The following TCF4 variants were observed in gnomAD, a reference collection of about 807,000 sequenced individuals.
TCF4 encodes SL3-3 enhancer factor 2.
In TCF4, 3 loss-of-function variants were observed where a neutral mutation model predicts 82.1. That is an observed-to-expected ratio of 0.04 (90% CI 0.02 to 0.09). The LOEUF (loss-of-function observed/expected upper bound fraction) is 0.09, where lower values mean the gene tolerates loss of function less well. Among genes scored for constraint, TCF4 ranks in the 10% least tolerant of loss-of-function variants. TCF4 has a pLI of 1.00. For synonymous variants in TCF4, 276 were observed against 309.6 expected (o/e 0.89, Z 1.14); for missense variants, 518 against 852.7 (o/e 0.61, Z 4.89).
At chr18:55,526,503 T>C (rs1458581761) in intron 3 of TCF4, among the ~76,000 whole-genome samples, 2 of 152,164 alleles carry the variant, frequency 1.3e-5, no homozygotes, top group Admixed American at 1.3e-4. Flanking sequence ...GTTACTCCAG[T>C]AAAGGTTACT....
chr18:55,446,768 A>AGT (rs1379501501), intron 5 of TCF4, among the ~76,000 whole-genome samples: 1 of 152,048 alleles, frequency 6.6e-6, no homozygotes, highest in Non-Finnish European at 1.5e-5. Flanking sequence ...GCGGATCACT[A>AGT]GGTCAGGAGA....
intron 3 of TCF4, among the ~76,000 whole-genome samples, chr18:55,501,994 C>A (rs1281334674): frequency 6.6e-6 from 1 of 152,058 alleles, no homozygotes; most frequent in African/African-American, 2.4e-5. Context: ...CAGGCTGTAA[C>A]AATGGAAGGA....
chr18:55,494,157 G>GACACACACAC (rs3138626), intron 3 of TCF4, among the ~76,000 whole-genome samples: 231 of 147,736 alleles, frequency 1.6e-3, no homozygotes, highest in African/African-American at 5.1e-3. Context: ...AAATATTATG[G>GACACACACAC]ACACACACAC....
chr18:55,382,068 T>C (rs1224683441), intron 6 of TCF4, among the ~76,000 whole-genome samples: 1 of 152,138 alleles, frequency 6.6e-6, no homozygotes, highest in Non-Finnish European at 1.5e-5. Flanking sequence ...AAAACAAAAA[T>C]AATTCTATAG....
chr18:55,411,034 C>T (rs1038925162), intron 5 of TCF4, among the ~76,000 whole-genome samples: 4 of 152,066 alleles, frequency 2.6e-5, no homozygotes, highest in South Asian at 2.1e-4. Context: ...CTTGATTTTC[C>T]GAACGCAGGA....
At chr18:55,450,139 G>C (rs900858352) in intron 5 of TCF4, among the ~76,000 whole-genome samples, 2 of 152,316 alleles carry the variant, frequency 1.3e-5, no homozygotes, top group Non-Finnish European at 1.5e-5. Flanking sequence ...GTGGTGAGCT[G>C]GTGCTCACAG....
intron 6 of TCF4, among the ~76,000 whole-genome samples, chr18:55,366,059 CCTT>C (rs1485219112): frequency 6.6e-6 from 1 of 151,640 alleles, no homozygotes; most frequent in South Asian, 2.1e-4. Context: ...TGTGGATAGG[CCTT>C]CTTTATTTTA....
At chr18:55,507,201 G>A (rs1265179325) in intron 3 of TCF4, among the ~76,000 whole-genome samples, 1 of 152,080 alleles carries the variant, frequency 6.6e-6, no homozygotes, top group Non-Finnish European at 1.5e-5. Context: ...TAACTTATAG[G>A]ATGCACTTCA....
At chr18:55,463,865 A>G (rs750353795) in intron 4 of TCF4, among the ~76,000 whole-genome samples, 9 of 152,064 alleles carry the variant, frequency 5.9e-5, no homozygotes, top group Non-Finnish European at 1.2e-4. Flanking sequence ...GGGGAAAAAA[A>G]TTCCAAAGTC....
At chr18:55,350,798 G>A (rs1205635571) in intron 7 of TCF4, 76 bp downstream of exon 7, 9 of 1,598,388 alleles carry the variant, frequency 5.6e-6, no homozygotes, top group East Asian at 2.2e-5. Context: ...ATGGGGGGGC[G>A]ATATTTTAAA....
intron 2 of TCF4, among the ~76,000 whole-genome samples, chr18:55,600,493 A>G (rs953266902): frequency 6.6e-6 from 1 of 152,182 alleles, no homozygotes; most frequent in Non-Finnish European, 1.5e-5. Context: ...ATTGTGTTCT[A>G]CACAGGGACA....
chr18:55,515,369 A>G (rs2146373362), intron 3 of TCF4, among the ~76,000 whole-genome samples: 1 of 152,300 alleles, frequency 6.6e-6, no homozygotes, highest in Non-Finnish European at 1.5e-5. Flanking sequence ...GTGCAGACAC[A>G]TGGCTGGGGT....
chr18:55,326,832 A>C (rs2076648057), intron 8 of TCF4, among the ~76,000 whole-genome samples: 1 of 152,190 alleles, frequency 6.6e-6, no homozygotes, highest in Admixed American at 6.5e-5. Flanking sequence ...TAGTAGATGC[A>C]TATATATGGA....
intron 3 of TCF4, among the ~76,000 whole-genome samples, chr18:55,517,716 C>T (rs1469064221): frequency 6.6e-6 from 1 of 152,040 alleles, no homozygotes; most frequent in African/African-American, 2.4e-5. Context: ...GAAAGTAAAT[C>T]AAATGTAAAA....
intron 5 of TCF4, among the ~76,000 whole-genome samples, chr18:55,446,387 C>T (rs2095525769): frequency 6.6e-6 from 1 of 152,138 alleles, no homozygotes; most frequent in African/African-American, 2.4e-5. Context: ...CTATTAGTTG[C>T]AGCTGAACCC....
intron 6 of TCF4, among the ~76,000 whole-genome samples, chr18:55,382,151 T>C (rs1342427340): frequency 1.3e-5 from 2 of 152,154 alleles, no homozygotes; most frequent in African/African-American, 4.8e-5. Context: ...GGATATATAT[T>C]TGCATGCATT....
At chr18:55,582,831 G>A (rs890567578) in intron 3 of TCF4, among the ~76,000 whole-genome samples, 2 of 151,942 alleles carry the variant, frequency 1.3e-5, no homozygotes, top group Non-Finnish European at 2.9e-5. Flanking sequence ...TCCATGAAAG[G>A]GACATCTGAG....
At chr18:55,546,437 T>C (rs1280225774) in intron 3 of TCF4, among the ~76,000 whole-genome samples, 1 of 151,864 alleles carries the variant, frequency 6.6e-6, no homozygotes, top group East Asian at 1.9e-4. Flanking sequence ...TAATGAAGAG[T>C]TCCAACAAAC....
chr18:55,401,324 C>A, intron 6 of TCF4: 1 of 1,169,208 alleles, frequency 8.6e-7, no homozygotes. Context: ...GCTGCGACCA[C>A]GCTAAGCACA....
Sources: allele counts gnomAD v4.1 joint callset (sites outside exome capture counted in the v4.1 genomes callset), GRCh38; gene constraint gnomAD v4.1.1; transcripts MANE v1.5; gene names NCBI Gene and HGNC (gene_info 2026-07-23, HGNC 2026-07-21).